The following PPFIA2 variants were observed in gnomAD, a reference collection of about 807,000 sequenced individuals.
The protein encoded by PPFIA2 is PPFI scaffold protein A2.
PPFIA2 carries 46 observed loss-of-function variants against 175.5 expected under a neutral mutation model. The observed-to-expected ratio is 0.26, with a 90% CI of 0.21 to 0.34. The LOEUF is 0.34. Ranked by LOEUF, PPFIA2 falls within the 10% of genes least tolerant of loss-of-function variation. The pLI, the probability that PPFIA2 is intolerant of heterozygous loss-of-function variation, is 1.00. For missense variants in PPFIA2, 1,179 were observed against 1,506.1 expected (o/e 0.78, Z 3.60); for synonymous variants, 568 against 511.4 (o/e 1.11, Z -1.49).
chr12:81,344,995 T>G (rs1460091762), intron 18 of PPFIA2, among the ~76,000 whole-genome samples: 3 of 151,914 alleles, frequency 2.0e-5, no homozygotes, highest in Admixed American at 6.6e-5. Flanking sequence ...AGTGAGTGAG[T>G]CTAGCTAGAA....
Position 81,667,386 on chromosome 12 carries a change from G to A in PPFIA2, c.303+9405C>T, listed in dbSNP as rs987899527. 2.0e-5 allele frequency among the ~76,000 whole-genome samples: 3 copies of A among 152,146 alleles called. No individual in the cohort carries two copies. The East Asian group carries it at 5.8e-4, about 30-fold the overall frequency. ...AGCTCACTTAACTTCAGAAAGCAGT[G>A]TTAGCACCTTTCTTGAAAACCATTA... On this transcript the variant is annotated intron_variant, in intron 4 of 32. Transcript: ENST00000549396.
At chr12:81,649,862 G>C (rs1440001261) in intron 4 of PPFIA2, among the ~76,000 whole-genome samples, 2 of 152,278 alleles carry the variant, frequency 1.3e-5, no homozygotes, top group East Asian at 3.9e-4. Flanking sequence ...TAGATCAATG[G>C]TTGATATGGT....
At chr12:81,480,720 G>T (rs2058108113) in intron 4 of PPFIA2, among the ~76,000 whole-genome samples, 1 of 152,070 alleles carries the variant, frequency 6.6e-6, no homozygotes, top group Admixed American at 6.6e-5. Flanking sequence ...GACCCTGTTT[G>T]CCTGGGTATC....
At chr12:81,476,313 T>TTTC (rs1215083015) in intron 4 of PPFIA2, among the ~76,000 whole-genome samples, 1 of 152,208 alleles carries the variant, frequency 6.6e-6, no homozygotes, top group Admixed American at 6.5e-5. Flanking sequence ...TCTTTCAGAC[T>TTTC]TTCCTATTTG....
chr12:81,618,337 T>C (rs772823986), intron 4 of PPFIA2, among the ~76,000 whole-genome samples: 1 of 151,978 alleles, frequency 6.6e-6, no homozygotes, highest in South Asian at 2.1e-4. Flanking sequence ...ATTCCTAGTA[T>C]GTAGGAACAG....
intron 3 of PPFIA2, among the ~76,000 whole-genome samples, chr12:81,696,132 T>C (rs1185199436): frequency 6.6e-6 from 1 of 152,196 alleles, no homozygotes; most frequent in Non-Finnish European, 1.5e-5. Context: ...TTTTGTGTTT[T>C]AATTTCCCAC....
chr12:81,490,370 T>C (rs2059297374), intron 4 of PPFIA2, among the ~76,000 whole-genome samples: 1 of 151,916 alleles, frequency 6.6e-6, no homozygotes, highest in African/African-American at 2.4e-5. Flanking sequence ...AATTACCAAA[T>C]GGAGAGAAAT....
intron 28 of PPFIA2, among the ~76,000 whole-genome samples, chr12:81,271,930 G>A (rs565605829): frequency 6.6e-6 from 1 of 150,806 alleles, no homozygotes; most frequent in African/African-American, 2.4e-5. Context: ...TTTTTTTTCT[G>A]GTGAAATAGT....
At chr12:81,743,101 A>G (rs1226515441) in intron 3 of PPFIA2, among the ~76,000 whole-genome samples, 3 of 151,998 alleles carry the variant, frequency 2.0e-5, no homozygotes, top group East Asian at 1.9e-4. Context: ...GGGGAGAAAA[A>G]TAAGAACAGA....
intron 3 of PPFIA2, among the ~76,000 whole-genome samples, chr12:81,751,295 C>T (rs995482965): frequency 6.6e-6 from 1 of 151,882 alleles, no homozygotes; most frequent in Admixed American, 6.6e-5. Context: ...GGCTCATAAT[C>T]CCTAATCTAC....
At chr12:81,710,089 A>G (rs907578987) in intron 3 of PPFIA2, among the ~76,000 whole-genome samples, 2 of 151,896 alleles carry the variant, frequency 1.3e-5, no homozygotes, top group Non-Finnish European at 2.9e-5. Context: ...GTTGATTTCT[A>G]AGATCTATTC....
intron 24 of PPFIA2, among the ~76,000 whole-genome samples, chr12:81,293,417 T>C (rs1270320210): frequency 6.6e-6 from 1 of 152,038 alleles, no homozygotes; most frequent in Non-Finnish European, 1.5e-5. Flanking sequence ...AAAAAGATAT[T>C]CCAGATATTC....
At chr12:81,377,840 G>T (rs2036733452) in intron 9 of PPFIA2, among the ~76,000 whole-genome samples, 1 of 152,030 alleles carries the variant, frequency 6.6e-6, no homozygotes, top group South Asian at 2.1e-4. Context: ...AGTGTACTGG[G>T]GCTAATAACA....
At chr12:81,627,713 C>T (rs761845679) in intron 4 of PPFIA2, among the ~76,000 whole-genome samples, 7 of 152,250 alleles carry the variant, frequency 4.6e-5, no homozygotes, top group African/African-American at 1.2e-4. Flanking sequence ...TTACCTAAGA[C>T]GCACATATTA....
chr12:81,301,107 G>A (rs1400658510), intron 22 of PPFIA2, among the ~76,000 whole-genome samples: 1 of 152,094 alleles, frequency 6.6e-6, no homozygotes, highest in Non-Finnish European at 1.5e-5. Context: ...TGAAGGCATT[G>A]TGGCAATGGA....
chr12:81,751,304 AC>A (rs1158393026), intron 3 of PPFIA2, among the ~76,000 whole-genome samples: 2 of 152,078 alleles, frequency 1.3e-5, no homozygotes, highest in Non-Finnish European at 2.9e-5. Context: ...TCCCTAATCT[AC>A]AATTCCAAAA....
intron 9 of PPFIA2, chr12:81,378,063 T>C (rs2036790223): frequency 6.6e-6 from 1 of 151,336 alleles, no homozygotes; most frequent in Non-Finnish European, 1.5e-5. Context: ...TTATACGGAG[T>C]TGTACTGCTA....
chr12:81,693,070 C>G (rs1185062877), intron 3 of PPFIA2, among the ~76,000 whole-genome samples: 1 of 152,064 alleles, frequency 6.6e-6, no homozygotes, highest in African/African-American at 2.4e-5. Flanking sequence ...ACTCCTTAGT[C>G]AATATCTCTG....
chr12:81,388,698 A>C (rs2039495650), intron 8 of PPFIA2, among the ~76,000 whole-genome samples: 1 of 152,052 alleles, frequency 6.6e-6, no homozygotes. Flanking sequence ...ACAAATTTTT[A>C]TTTTGAAAAA....
Sources: gnomAD v4.1 joint callset for allele counts (sites outside exome capture counted in the v4.1 genomes callset) on GRCh38, gnomAD v4.1.1 for gene constraint, MANE v1.5 for transcripts, NCBI Gene and HGNC (gene_info 2026-07-23, HGNC 2026-07-21) for gene names.